The following DGUOK variants were observed in gnomAD, a reference collection of about 807,000 sequenced individuals.
DGUOK encodes the protein deoxyguanosine kinase, also known as deoxyguanosine kinase, mitochondrial.
A neutral mutation model predicts 36.6 loss-of-function variants in DGUOK; 30 were observed. That is an observed-to-expected ratio of 0.82 (90% CI 0.61 to 1.11). The LOEUF (loss-of-function observed/expected upper bound fraction) is 1.11. DGUOK is among the 50% of genes most tolerant of loss of function. The pLI, the probability that DGUOK is intolerant of heterozygous loss-of-function variation, is 0.00. For missense variants in DGUOK, 361 were observed against 336.4 expected (o/e 1.07, Z -0.57); for synonymous variants, 145 against 126.3 (o/e 1.15, Z -0.99).
chr2:73,957,145 C>T lies in DGUOK; in HGVS notation c.612C>T (p.Tyr204=). 6.2e-7 allele frequency: 1 copy of T among 1,613,902 alleles called. No homozygotes were observed. Among genetic ancestry groups the T allele is most frequent in the Non-Finnish European group, 8.5e-7 (1 of 1,179,882 alleles). ...TTTAGGTTTGTTTGAAGAGACTGTACCAGAGGGCCAGGGAGGAGGAGAAAG... is the reference window on the plus strand; with the variant it reads ...TTTAGGTTTGTTTGAAGAGACTGTATCAGAGGGCCAGGGAGGAGGAGAAAG... ...ASPQVCLKRL[Y]QRAREEEKGI... is the part of the protein sequence containing the mutation. The change falls in exon 5 of 7, where the codon TAC becomes TAT. Residue 204 remains tyrosine (Y), a synonymous_variant. Coordinates refer to ENST00000264093, the MANE Select transcript of DGUOK (RefSeq NM_080916.3).
chr2:73,930,026 G>A (rs1056352016), intron 1 of DGUOK, among the ~76,000 whole-genome samples: 1 of 152,244 alleles, frequency 6.6e-6, no homozygotes, highest in Admixed American at 6.5e-5. Flanking sequence ...AGAATTGCTG[G>A]AGTGATTTTT....
In DGUOK at chr2:73,934,754, C is replaced by CAA. The variant is rs70965770; in HGVS notation, c.143-4142_143-4141dup. On this transcript the variant is annotated intron_variant, in intron 1 of 6. Transcript: ENST00000264093. The stretch of plus-strand genomic sequence containing the variant: ...TGGGCAATAGAGCAAGACTCTGTCT[C>CAA]AAAAAAAAAAAAAAAGGAAAGAAAG... Among the ~76,000 whole-genome samples, 218 of 122,088 alleles carry CAA rather than the reference C, an allele frequency of 1.8e-3. 1 individual carries two copies. Among genetic ancestry groups the CAA allele is most frequent in the East Asian group, 3.2e-3 (13 of 4,052 alleles). 80.1% of individuals were successfully genotyped at this position (122,088 alleles called of 152,430 possible).
intron 4 of DGUOK, among the ~76,000 whole-genome samples, chr2:73,953,307 C>T (rs1270403913): frequency 6.7e-6 from 1 of 148,356 alleles, no homozygotes; most frequent in African/African-American, 2.6e-5. Context: ...TCGTCGTCGT[C>T]GTCGTCGTCA....
At chr2:73,927,185 T>TA in intron 1 of DGUOK, 133 bp downstream of exon 1, 1 of 1,256,356 alleles carries the variant, frequency 8.0e-7, no homozygotes, top group East Asian at 2.5e-5. Context: ...AGGAGAGCCT[T>TA]TCCCCTCGCA....
intron 1 of DGUOK, among the ~76,000 whole-genome samples, chr2:73,934,229 A>C (rs1255750447): frequency 6.6e-6 from 1 of 152,238 alleles, no homozygotes; most frequent in Non-Finnish European, 1.5e-5. Context: ...TGCCTTAGAA[A>C]AAGATGAGTG....
rs1681713255 is a variant in DGUOK, at chr2:73,939,149, G to C, written c.255+127G>C. 4.2e-6 allele frequency: 3 copies of C among 708,504 alleles called. No homozygotes were observed. In the East Asian group the frequency reaches 8.4e-5, roughly 20 times the overall value. The allele number at this position is 708,504 out of a possible 1,614,324, so 43.9% of individuals were successfully genotyped here. On this transcript the variant is annotated intron_variant, in intron 2 of 6. Coordinates refer to ENST00000264093, the MANE Select transcript of DGUOK (RefSeq NM_080916.3). ...TCCTTTTTAAAATAGCTTCATTCCA[G>C]AAAGCAGACCACATACACCAGAGAG... is the stretch of plus-strand genomic sequence containing the variant.
intron 3 of DGUOK, among the ~76,000 whole-genome samples, chr2:73,948,847 C>CCATCACCA (rs1682516999): frequency 6.6e-6 from 1 of 152,210 alleles, no homozygotes. Context: ...GCCCCTCACC[C>CCATCACCA]CATCACCACC....
chr2:73,935,557 CTT>C (rs1196160467), intron 1 of DGUOK, among the ~76,000 whole-genome samples: 1 of 152,168 alleles, frequency 6.6e-6, no homozygotes, highest in Admixed American at 6.5e-5. Flanking sequence ...AACCATGTAA[CTT>C]TGAATTATTT....
chr2:73,928,703 A>G (rs1161909512), intron 1 of DGUOK, among the ~76,000 whole-genome samples: 1 of 152,208 alleles, frequency 6.6e-6, no homozygotes, highest in African/African-American at 2.4e-5. Context: ...TGGGTTTTTA[A>G]TCTTACCGAG....
At chr2:73,932,541 C>G (rs545557052) in intron 1 of DGUOK, 1 of 1,062,002 alleles carries the variant, frequency 9.4e-7, no homozygotes, top group African/African-American at 1.6e-5. Flanking sequence ...GGTACCCACA[C>G]AGGGAATGTA....
At chr2:73,946,398 A>G (rs956973486) in intron 2 of DGUOK, among the ~76,000 whole-genome samples, 4 of 152,204 alleles carry the variant, frequency 2.6e-5, no homozygotes, top group African/African-American at 4.8e-5. Flanking sequence ...TCCTCCCCAG[A>G]CAGACTTCAC....
chr2:73,953,741 T>TTTTG (rs869069406), intron 4 of DGUOK, among the ~76,000 whole-genome samples: 2 of 142,182 alleles, frequency 1.4e-5, no homozygotes, highest in Admixed American at 6.9e-5. Flanking sequence ...TTTTTTTTTT[T>TTTTG]GAGACAGAGT....
chr2:73,948,051 C>T (rs1010094885), intron 3 of DGUOK: 11 of 152,174 alleles, frequency 7.2e-5, no homozygotes, highest in African/African-American at 2.2e-4. Context: ...TCCTTGTGTA[C>T]GTACCCCGAG....
At position 73,943,977 on chromosome 2, in the gene DGUOK, T is replaced by C. The variant is rs139196144; in HGVS notation, c.256-2742T>C. Among the ~76,000 whole-genome samples the C allele has an allele frequency of 2.6e-5, 4 of 152,074 alleles. No individual in the cohort carries two copies. The East Asian group carries it at 7.8e-4, about 30-fold the overall frequency. ...GGAGAATTTCTTAAGCTGATACTCTTTTCTTTTTCTTTAAAGAGTCTCACT... is the reference window on the plus strand; with the variant it reads ...GGAGAATTTCTTAAGCTGATACTCTCTTCTTTTTCTTTAAAGAGTCTCACT... On this transcript the variant is annotated intron_variant, in intron 2 of 6. Transcript: ENST00000264093.
chr2:73,927,067 G>T lies in DGUOK; in HGVS notation c.142+15G>T. ...AGGCAACATTGGTAAGGGCCGGAAA[G>T]CGGCTGCCAAGCCTTGGCCTCCGCC... On this transcript the variant is annotated intron_variant, in intron 1 of 6. Coordinates refer to ENST00000264093, the MANE Select transcript of DGUOK (RefSeq NM_080916.3). The T allele has an allele frequency of 1.9e-6, 3 of 1,606,090 alleles. No individual in the cohort carries two copies. Among genetic ancestry groups the T allele is most frequent in the Non-Finnish European group, 1.7e-6 (2 of 1,179,928 alleles).
At position 73,957,218 on chromosome 2, in the gene DGUOK, T is replaced by G; in HGVS notation, c.685T>G (p.Trp229Gly). 1 of 1,614,056 alleles carries G rather than the reference T, an allele frequency of 6.2e-7. No individual in the cohort carries two copies. Among genetic ancestry groups the G allele is most frequent in the Non-Finnish European group, 8.5e-7 (1 of 1,179,938 alleles). The change falls in exon 5 of 7, where the codon TGG becomes GGG. Residue 229 changes from tryptophan (W) to glycine (G), a missense_variant. Trp to Gly is a radical substitution (Grantham distance 184). Transcript: ENST00000264093. ...GCAGCTGCATGGCCAACACGAAGCC[T>G]GGCTTATTCACAAGACAACGAAGTA... The part of the protein sequence containing the change: ...LEQLHGQHEA[W>G]LIHKTTKLHF...
chr2:73,958,705 C>G lies in DGUOK; in HGVS notation c.808-5C>G, dbSNP rs1683318618. ...ATTAAACTTCTGATTTTCTCCTTCC[C>G]ACAGGTAAACACCTTTGTAAAGAAT... On this transcript the variant is annotated splice_polypyrimidine_tract_variant and splice_region_variant and intron_variant, in intron 6 of 6. Transcript: ENST00000264093. The G allele has an allele frequency of 6.2e-7, 1 of 1,610,574 alleles. No homozygotes were observed. The highest frequency in any genetic ancestry group is 2.2e-5 in the East Asian group (1 of 44,880).
intron 1 of DGUOK, among the ~76,000 whole-genome samples, chr2:73,931,949 G>A (rs1488004756): frequency 6.6e-6 from 1 of 152,180 alleles, no homozygotes; most frequent in African/African-American, 2.4e-5. Flanking sequence ...AGGAGTAGAG[G>A]AGGGTGACAC....
chr2:73,949,513 C>T (rs1355946772), intron 3 of DGUOK, among the ~76,000 whole-genome samples: 1 of 152,164 alleles, frequency 6.6e-6, no homozygotes, highest in African/African-American at 2.4e-5. Context: ...TACAAGACAT[C>T]ATCATAACAG....
Sources: allele counts gnomAD v4.1 joint callset (sites outside exome capture counted in the v4.1 genomes callset), GRCh38; gene constraint gnomAD v4.1.1; transcripts MANE v1.5; gene names NCBI Gene and HGNC (gene_info 2026-07-23, HGNC 2026-07-21).